The following RGS7 variants were observed in gnomAD, a reference collection of about 807,000 sequenced individuals.
The protein encoded by RGS7 is regulator of G protein signaling 7.
Under a neutral mutation model 81.1 loss-of-function variants are expected in RGS7, and 27 were observed. The ratio of observed to expected loss-of-function variants is 0.33; its 90% confidence interval spans 0.25 to 0.46. RGS7 has a LOEUF of 0.46. Ranked by LOEUF, RGS7 falls within the 20% of genes least tolerant of loss-of-function variation. RGS7 has a pLI of 1.00. For missense variants in RGS7, 396 were observed against 607.4 expected (o/e 0.65, Z 3.66); for synonymous variants, 208 against 207.7 (o/e 1.00, Z -0.01).
At chr1:241,160,622 G>C (rs2069573829) in intron 2 of RGS7, among the ~76,000 whole-genome samples, 1 of 152,112 alleles carries the variant, frequency 6.6e-6, no homozygotes, top group Non-Finnish European at 1.5e-5. Context: ...AAAACTCAGA[G>C]TCATTTTTCT....
chr1:241,181,356 A>T (rs1046875658), intron 2 of RGS7, among the ~76,000 whole-genome samples: 1 of 152,206 alleles, frequency 6.6e-6, no homozygotes, highest in South Asian at 2.1e-4. Context: ...TTTTATCGTG[A>T]TCTTAAAATT....
chr1:240,958,594 A>G (rs1455818003), intron 4 of RGS7, among the ~76,000 whole-genome samples: 2 of 152,130 alleles, frequency 1.3e-5, no homozygotes, highest in East Asian at 3.8e-4. Flanking sequence ...CTTTCTCTAT[A>G]AAGAAACTGC....
chr1:240,807,585 T>C (rs1344973703), intron 14 of RGS7, among the ~76,000 whole-genome samples: 1 of 152,206 alleles, frequency 6.6e-6, no homozygotes, highest in East Asian at 1.9e-4. Flanking sequence ...TGAGTTTTCA[T>C]TTCCAGATTT....
At chr1:241,083,254 G>GAAACAAAACA (rs149562159) in intron 3 of RGS7, among the ~76,000 whole-genome samples, 9,703 of 142,048 alleles carry the variant, frequency 0.068, 343 homozygotes, top group East Asian at 0.12. Context: ...AAAAGAAAAA[G>GAAACAAAACA]AAACAAAACA....
intron 2 of RGS7, among the ~76,000 whole-genome samples, chr1:241,332,629 T>A (rs2082033909): frequency 6.6e-6 from 1 of 152,160 alleles, no homozygotes; most frequent in African/African-American, 2.4e-5. Context: ...CAACGAAACA[T>A]TTCCTTTTTA....
At chr1:241,057,444 A>T (rs1291231038) in intron 3 of RGS7, among the ~76,000 whole-genome samples, 1 of 152,202 alleles carries the variant, frequency 6.6e-6, no homozygotes, top group African/African-American at 2.4e-5. Flanking sequence ...TTTGCAAAAA[A>T]CTTACAAAGT....
intron 4 of RGS7, 43 bp downstream of exon 4, chr1:240,983,036 C>G: frequency 2.6e-6 from 3 of 1,139,052 alleles, no homozygotes; most frequent in Non-Finnish European, 4.0e-6. Flanking sequence ...TTCTTAAAAC[C>G]ACTAAGAAAA....
intron 6 of RGS7, among the ~76,000 whole-genome samples, chr1:240,894,549 A>C (rs1403382729): frequency 6.6e-6 from 1 of 151,702 alleles, no homozygotes; most frequent in Non-Finnish European, 1.5e-5. Flanking sequence ...CTGAGGTTTT[A>C]ATTATAACGA....
chr1:240,888,069 C>G lies in RGS7; in HGVS notation c.386-17950G>C, dbSNP rs141438032. Among the ~76,000 whole-genome samples the G allele has an allele frequency of 9.9e-3, 1,511 of 152,250 alleles. 43 individuals carry two copies. Among genetic ancestry groups the G allele is most frequent in the Admixed American group, 0.063 (956 of 15,288 alleles). ...TTGGGAGTATAGACAAAGCTTCTAT[C>G]CTCAATGAGGTTACATTATAGAGAA... is the stretch of plus-strand genomic sequence containing the variant. On this transcript the variant is annotated intron_variant, in intron 6 of 18. Coordinates refer to ENST00000440928, the MANE Select transcript of RGS7 (RefSeq NM_001364886.1).
intron 3 of RGS7, among the ~76,000 whole-genome samples, chr1:241,077,263 T>C (rs950144306): frequency 2.0e-5 from 3 of 152,184 alleles, no homozygotes; most frequent in Non-Finnish European, 2.9e-5. Context: ...TAAAACTGTT[T>C]CCCTGTAAAC....
intron 2 of RGS7, among the ~76,000 whole-genome samples, chr1:241,246,125 C>T (rs1003507236): frequency 6.6e-6 from 1 of 151,778 alleles, no homozygotes; most frequent in African/African-American, 2.4e-5. Flanking sequence ...AATAAAAAAC[C>T]GAAACGTGTG....
intron 2 of RGS7, among the ~76,000 whole-genome samples, chr1:241,182,453 C>T (rs1376102527): frequency 2.6e-5 from 4 of 152,144 alleles, no homozygotes; most frequent in African/African-American, 4.8e-5. Flanking sequence ...CCCCCAGCTC[C>T]GTCAATGTTA....
intron 5 of RGS7, among the ~76,000 whole-genome samples, chr1:240,931,094 TG>T (rs150043200): frequency 0.021 from 3,160 of 152,306 alleles, 95 homozygotes; most frequent in African/African-American, 0.071. Flanking sequence ...CAGAGAGGAC[TG>T]AAAGAGTATG....
At chr1:241,169,601 C>T (rs189416509) in intron 2 of RGS7, among the ~76,000 whole-genome samples, 1 of 152,128 alleles carries the variant, frequency 6.6e-6, no homozygotes, top group East Asian at 1.9e-4. Context: ...CCTCGGCCTC[C>T]CAAAGTGCTG....
chr1:241,347,445 G>C (rs556087796), intron 2 of RGS7, among the ~76,000 whole-genome samples: 14 of 152,290 alleles, frequency 9.2e-5, no homozygotes, highest in Admixed American at 2.6e-4. Context: ...ACTTAGACAA[G>C]AGAAGAGAGA....
chr1:240,784,201 AAAAAC>A (rs1553300791), intron 18 of RGS7, among the ~76,000 whole-genome samples: 2 of 151,810 alleles, frequency 1.3e-5, no homozygotes, highest in Non-Finnish European at 2.9e-5. Context: ...AAAAAAACAA[AAAAAC>A]AAAACAAAAC....
chr1:241,339,318 T>C (rs2082408626), intron 2 of RGS7, among the ~76,000 whole-genome samples: 1 of 152,198 alleles, frequency 6.6e-6, no homozygotes, highest in Non-Finnish European at 1.5e-5. Context: ...TTCCATGTCT[T>C]TGCTACTGTG....
chr1:241,064,352 G>T (rs866467641), intron 3 of RGS7, among the ~76,000 whole-genome samples: 3 of 147,438 alleles, frequency 2.0e-5, no homozygotes, highest in African/African-American at 7.5e-5. Flanking sequence ...TTGGGAGGCC[G>T]AGGTGGGAGG....
At position 240,930,735 on chromosome 1, in the gene RGS7, G is replaced by C; in HGVS notation, c.367C>G (p.Pro123Ala). ...CACTGACCATAATCTGTGTTTTCCG[G>C]CTCCCAACAATTTGATGGCCAAAAA... is the stretch of plus-strand genomic sequence containing the variant. ...PYFWPSNCWE[P>A]ENTDYAVYLC... Residue 123 changes from proline (P) to alanine (A), a missense_variant, in exon 6 of 19, where the codon CCG (proline) becomes GCG (alanine). By Grantham distance (27) the Pro-to-Ala change is conservative. Coordinates refer to ENST00000440928, the MANE Select transcript of RGS7 (RefSeq NM_001364886.1). 6.2e-7 allele frequency: 1 copy of C among 1,613,738 alleles called. No individual in the cohort carries two copies. The highest frequency in any genetic ancestry group is 8.5e-7 in the Non-Finnish European group (1 of 1,179,774).
Sources: allele counts gnomAD v4.1 joint callset (sites outside exome capture counted in the v4.1 genomes callset), GRCh38; gene constraint gnomAD v4.1.1; transcripts MANE v1.5; gene names NCBI Gene and HGNC (gene_info 2026-07-23, HGNC 2026-07-21).